The following MRC1 variants were observed in gnomAD, a reference collection of about 807,000 sequenced individuals.
MRC1 encodes the protein mannose receptor C-type 1.
Under a neutral mutation model 102.9 loss-of-function variants are expected in MRC1, and 62 were observed. That is an observed-to-expected ratio of 0.60 (90% confidence interval 0.49 to 0.74). The LOEUF is 0.74. Ranked by LOEUF, MRC1 falls within the 30% of genes least tolerant of loss-of-function variation. The pLI is 0.00. For synonymous variants in MRC1, 457 were observed against 298.4 expected (o/e 1.53, Z -5.48); for missense variants, 1,237 against 862.8 (o/e 1.43, Z -5.43).
In MRC1 at chr10:17,910,697, T is replaced by C. The variant is rs1211124189; in HGVS notation, c.*232T>C. 8.4e-5 allele frequency: 47 copies of C among 560,396 alleles called. 1 individual carries two copies. In the South Asian group the frequency reaches 8.5e-4, roughly 10 times the overall value. The allele number at this position is 560,396 out of a possible 1,614,324, so 34.7% of individuals were successfully genotyped here. A position where few individuals can be genotyped will look rare whatever the true frequency, so the allele number is the denominator to read the frequency against. ...TACCTTTTAAAATATTTTAGATAAA[T>C]GCACAGCACCACAGCACCACATCTA... is the stretch of plus-strand genomic sequence containing the variant. On this transcript the variant is annotated 3_prime_UTR_variant, in exon 30 of 30. Transcript: ENST00000569591.
rs1490784011 is a variant in MRC1, at chr10:17,900,526, AT to A, written c.3484-253del. The stretch of plus-strand genomic sequence containing the variant: ...GGGAGTTTCACGGAATAAGAGATAA[AT>A]TTTTTTTTATTAGTGTTTTTTGAAA... On this transcript the variant is annotated intron_variant, in intron 24 of 29. Coordinates refer to ENST00000569591, the MANE Select transcript of MRC1 (RefSeq NM_002438.4). 1.1e-3 allele frequency among the ~76,000 whole-genome samples: 173 copies of A among 151,880 alleles called. 4 individuals are homozygous for A. The South Asian group carries it at 0.033, about 29-fold the overall frequency.
chr10:17,902,952 T>G (rs1371920060), intron 26 of MRC1, among the ~76,000 whole-genome samples: 2 of 152,242 alleles, frequency 1.3e-5, no homozygotes, highest in African/African-American at 4.8e-5. Context: ...ATCTTCTTGA[T>G]GTATTAAAAA....
Position 17,849,670 on chromosome 10 carries a change from G to T in MRC1, c.1155G>T (p.Arg385Ser). The change falls in exon 7 of 30, where the codon AGG becomes AGT. Residue 385 changes from arginine (R) to serine (S), a missense_variant. Physicochemically the swap from Arg to Ser is moderately radical, Grantham distance 110. Transcript: ENST00000569591. ...KIHRDEKKIQ[R>S]DALTTCRKEG... Reference sequence around the variant, plus strand: ...ACAGAGATGAGAAAAAAATCCAGAGGGATGCTCTGACCACCTGCAGGAAGG... The same window carrying T: ...ACAGAGATGAGAAAAAAATCCAGAGTGATGCTCTGACCACCTGCAGGAAGG... The T allele has an allele frequency of 1.3e-6, 1 of 780,878 alleles. No individual in the cohort carries two copies. Among genetic ancestry groups the T allele is most frequent in the Non-Finnish European group, 2.4e-6 (1 of 418,090 alleles). The allele number at this position is 780,878 out of a possible 1,614,324, so 48.4% of individuals were successfully genotyped here. A position where few individuals can be genotyped will look rare whatever the true frequency, so the allele number is the denominator to read the frequency against.
intron 4 of MRC1, 134 bp from the exon 5 acceptor site, chr10:17,840,559 A>G: frequency 1.5e-6 from 1 of 681,784 alleles, no homozygotes; most frequent in East Asian, 2.5e-5. Flanking sequence ...GAATCAAAGG[A>G]GACATGGTAG....
intron 22 of MRC1, among the ~76,000 whole-genome samples, chr10:17,887,819 T>A (rs1016110441): frequency 1.5e-4 from 23 of 152,206 alleles, no homozygotes; most frequent in Admixed American, 4.6e-4. Context: ...ATTTTATTTT[T>A]TTGAGATGGA....
intron 9 of MRC1, among the ~76,000 whole-genome samples, chr10:17,858,605 A>G (rs1833133584): frequency 6.6e-6 from 1 of 152,180 alleles, no homozygotes; most frequent in Non-Finnish European, 1.5e-5. Context: ...CTTCTGCTTC[A>G]GCCTCCTGAG....
At chr10:17,853,226 A>G in intron 8 of MRC1, 102 bp downstream of exon 8, 2 of 745,654 alleles carry the variant, frequency 2.7e-6, no homozygotes, top group South Asian at 1.5e-5. Flanking sequence ...TTTTTATTCT[A>G]CATAAATTGG....
intron 21 of MRC1, among the ~76,000 whole-genome samples, chr10:17,881,692 T>C (rs1282864242): frequency 7.3e-6 from 1 of 137,734 alleles, no homozygotes; most frequent in Non-Finnish European, 1.6e-5. Context: ...TTTTTTTTTT[T>C]TGGTAACAAG....
chr10:17,813,977 G>A (rs1293042357), intron 1 of MRC1, among the ~76,000 whole-genome samples: 2 of 152,080 alleles, frequency 1.3e-5, no homozygotes, highest in Admixed American at 6.6e-5. Context: ...GGGATTACAG[G>A]CATGAGCCAC....
chr10:17,887,843 G>A (rs980354452), intron 22 of MRC1, among the ~76,000 whole-genome samples: 4 of 152,032 alleles, frequency 2.6e-5, no homozygotes, highest in South Asian at 2.1e-4. Flanking sequence ...TCACACTGTC[G>A]CCCGGCTGGT....
chr10:17,852,591 G>A (rs1838933217), intron 7 of MRC1, among the ~76,000 whole-genome samples: 1 of 152,178 alleles, frequency 6.6e-6, no homozygotes. Context: ...TAACATGAGT[G>A]CAGTTGGCAT....
intron 1 of MRC1, among the ~76,000 whole-genome samples, chr10:17,810,491 G>T (rs1490583350): frequency 6.6e-6 from 1 of 152,132 alleles, no homozygotes; most frequent in Non-Finnish European, 1.5e-5. Flanking sequence ...AGTATTGAGT[G>T]GTAGTGATTA....
chr10:17,851,346 G>A (rs1838913617), intron 7 of MRC1, among the ~76,000 whole-genome samples: 1 of 151,862 alleles, frequency 6.6e-6, no homozygotes, highest in Non-Finnish European at 1.5e-5. Flanking sequence ...AAGTTGTAAA[G>A]TTAAAATTAT....
chr10:17,856,922 A>C (rs2130653928), intron 9 of MRC1, among the ~76,000 whole-genome samples: 1 of 152,240 alleles, frequency 6.6e-6, no homozygotes, highest in African/African-American at 2.4e-5. Context: ...GTCCCTGTGA[A>C]ATAGTTTTTT....
At chr10:17,828,509 AACCAT>A (rs1838519236) in intron 3 of MRC1, among the ~76,000 whole-genome samples, 1 of 151,468 alleles carries the variant, frequency 6.6e-6, no homozygotes, top group Non-Finnish European at 1.5e-5. Context: ...ACCTTTATGA[AACCAT>A]AGATCAAAAA....
At position 17,910,522 on chromosome 10, in the gene MRC1, A is replaced by C; in HGVS notation, c.*57A>C. ...TCATAAAATTGTAACTGAAATTTAA[A>C]ATTTTTAGTTCAATGTGATTGTTTT... On this transcript the variant is annotated 3_prime_UTR_variant, in exon 30 of 30. Coordinates refer to ENST00000569591, the MANE Select transcript of MRC1 (RefSeq NM_002438.4). 1.3e-6 allele frequency: 1 copy of C among 780,302 alleles called. No homozygotes were observed. Among genetic ancestry groups the C allele is most frequent in the South Asian group, 1.3e-5 (1 of 74,524 alleles). 48.3% of individuals were successfully genotyped at this position (780,302 alleles called of 1,614,324 possible).
intron 29 of MRC1, 50 bp from the exon 30 acceptor site, chr10:17,910,165 A>G (rs987730371): frequency 3.8e-6 from 3 of 779,640 alleles, no homozygotes; most frequent in Non-Finnish European, 7.2e-6. Context: ...CATAGCATGC[A>G]ACCCTCTGCC....
At chr10:17,892,501 A>G (rs1833693645) in intron 22 of MRC1, among the ~76,000 whole-genome samples, 2 of 152,046 alleles carry the variant, frequency 1.3e-5, no homozygotes, top group Non-Finnish European at 2.9e-5. Flanking sequence ...CCATTTTCCA[A>G]TGCATTTAAG....
chr10:17,905,298 C>T (rs1833880889), intron 26 of MRC1, among the ~76,000 whole-genome samples: 2 of 152,200 alleles, frequency 1.3e-5, no homozygotes, highest in African/African-American at 4.8e-5. Flanking sequence ...TACCAAGACA[C>T]AGTCATTTTT....
Sources: allele counts gnomAD v4.1 joint callset (sites outside exome capture counted in the v4.1 genomes callset), GRCh38; gene constraint gnomAD v4.1.1; transcripts MANE v1.5; gene names NCBI Gene and HGNC (gene_info 2026-07-23, HGNC 2026-07-21).